Variants in B3GALT1 observed in about 807,000 individuals in gnomAD.
B3GALT1 encodes the protein beta-1,3-galactosyltransferase 1.
A neutral mutation model predicts 23.2 loss-of-function variants in B3GALT1; 10 were observed. The ratio of observed to expected loss-of-function variants is 0.43; its 90% CI spans 0.27 to 0.73. B3GALT1 has a LOEUF of 0.73. B3GALT1 is among the 30% of genes least tolerant of loss of function. The probability of loss-of-function intolerance (pLI) is 0.21; values close to 1 mark genes in which losing one functional copy is unlikely to be tolerated. For synonymous variants in B3GALT1, 156 were observed against 141.5 expected (o/e 1.10, Z -0.73); for missense variants, 299 against 405.4 (o/e 0.74, Z 2.25).
intron 4 of B3GALT1, among the ~76,000 whole-genome samples, chr2:167,862,378 A>G (rs1427215125): frequency 6.6e-6 from 1 of 152,236 alleles, no homozygotes; most frequent in Non-Finnish European, 1.5e-5. Flanking sequence ...GAGGAGATGC[A>G]TGTCACAGCT....
intron 3 of B3GALT1, among the ~76,000 whole-genome samples, chr2:167,761,008 A>T (rs1289753304): frequency 6.6e-6 from 1 of 152,150 alleles, no homozygotes; most frequent in Non-Finnish European, 1.5e-5. Flanking sequence ...TCAATATTAC[A>T]TGTGCCTGTT....
chr2:167,344,742 A>G (rs1697203396), intron 1 of B3GALT1, among the ~76,000 whole-genome samples: 2 of 152,216 alleles, frequency 1.3e-5, no homozygotes, highest in South Asian at 4.1e-4. Context: ...AATAAACACA[A>G]AAGTTTACAT....
At chr2:167,520,831 G>C (rs190204766) in intron 2 of B3GALT1, among the ~76,000 whole-genome samples, 1 of 152,116 alleles carries the variant, frequency 6.6e-6, no homozygotes, top group Non-Finnish European at 1.5e-5. Flanking sequence ...GGGAGCAATG[G>C]GTTGGCACCC....
chr2:167,293,680 G>A (rs1278980156), intron 1 of B3GALT1, among the ~76,000 whole-genome samples: 1 of 152,164 alleles, frequency 6.6e-6, no homozygotes, highest in Non-Finnish European at 1.5e-5. Context: ...GAGTGAGTAG[G>A]ATGCTGTTGG....
chr2:167,752,288 TTATATG>T (rs1157278536), intron 3 of B3GALT1, among the ~76,000 whole-genome samples: 1 of 152,196 alleles, frequency 6.6e-6, no homozygotes, highest in Non-Finnish European at 1.5e-5. Context: ...ACTTTTAACC[TTATATG>T]TATATTTAAA....
At chr2:167,704,050 A>G (rs564676364) in intron 3 of B3GALT1, among the ~76,000 whole-genome samples, 7 of 152,070 alleles carry the variant, frequency 4.6e-5, no homozygotes, top group East Asian at 3.9e-4. Flanking sequence ...GTGTGGTATC[A>G]GGCGCCTGTA....
intron 2 of B3GALT1, among the ~76,000 whole-genome samples, chr2:167,564,071 C>G (rs527869663): frequency 1.3e-5 from 2 of 148,826 alleles, no homozygotes; most frequent in Non-Finnish European, 3.0e-5. Context: ...CCAGACGGGG[C>G]GGCTGCCGGG....
At chr2:167,390,772 G>A (rs73021748) in intron 1 of B3GALT1, among the ~76,000 whole-genome samples, 3,082 of 148,986 alleles carry the variant, frequency 0.021, 109 homozygotes, top group African/African-American at 0.072. Flanking sequence ...TCTGAAGCAG[G>A]TAAAGCATTT....
At chr2:167,640,337 C>T (rs1685628402) in intron 2 of B3GALT1, among the ~76,000 whole-genome samples, 1 of 151,930 alleles carries the variant, frequency 6.6e-6, no homozygotes, top group South Asian at 2.1e-4. Flanking sequence ...ATGGAGTTTT[C>T]CTTAGAGCAC....
chr2:167,774,471 GGTTT>G (rs1558974682), intron 3 of B3GALT1, among the ~76,000 whole-genome samples: 2 of 132,916 alleles, frequency 1.5e-5, no homozygotes, highest in African/African-American at 2.7e-5. Context: ...TGTGTTTATT[GGTTT>G]TTTTTTTTTG....
intron 2 of B3GALT1, among the ~76,000 whole-genome samples, chr2:167,545,024 T>TTTTC (rs1683607033): frequency 9.2e-5 from 3 of 32,708 alleles, no homozygotes; most frequent in African/African-American, 6.2e-4. Context: ...CTTGGGTGTC[T>TTTTC]TTTTTTTTTT....
intron 1 of B3GALT1, among the ~76,000 whole-genome samples, chr2:167,376,128 T>C (rs2617388): frequency 0.81 from 122,970 of 152,148 alleles, 51,483 homozygotes; most frequent in East Asian, 0.92. Flanking sequence ...ATTACATTTA[T>C]TGATTTATAT....
intron 3 of B3GALT1, among the ~76,000 whole-genome samples, chr2:167,708,781 T>C (rs912970645): frequency 1.8e-4 from 28 of 152,312 alleles, no homozygotes; most frequent in African/African-American, 6.7e-4. Flanking sequence ...ACCAAGCTTA[T>C]TGATGTGCCC....
At chr2:167,577,561 C>T (rs1418959305) in intron 2 of B3GALT1, among the ~76,000 whole-genome samples, 1 of 151,810 alleles carries the variant, frequency 6.6e-6, no homozygotes, top group Non-Finnish European at 1.5e-5. Flanking sequence ...CCAGATGCAT[C>T]AGTTGATCAC....
intron 1 of B3GALT1, among the ~76,000 whole-genome samples, chr2:167,478,062 C>T (rs1699510849): frequency 6.6e-6 from 1 of 152,102 alleles, no homozygotes; most frequent in South Asian, 2.1e-4. Context: ...ATCTGCTTTG[C>T]AATGAAATAA....
In B3GALT1 at chr2:167,474,152, A is replaced by T. The variant is rs1005481939; in HGVS notation, c.-510-16025A>T. Among the ~76,000 whole-genome samples the T allele has an allele frequency of 2.8e-4, 43 of 152,192 alleles. 1 individual carries two copies. The highest frequency in any genetic ancestry group is 1.0e-3 in the African/African-American group (42 of 41,460). On this transcript the variant is annotated intron_variant, in intron 1 of 4. Coordinates refer to ENST00000392690, the MANE Select transcript of B3GALT1 (RefSeq NM_020981.4). ...TGCAGCTGTGTCTATAGGATACGCC[A>T]TCTTAATATGGATAATTTCTAATCA...
At chr2:167,306,519 T>A (rs780047100) in intron 1 of B3GALT1, among the ~76,000 whole-genome samples, 12 of 152,030 alleles carry the variant, frequency 7.9e-5, no homozygotes, top group Non-Finnish European at 1.8e-4. Context: ...CCTTTTGACT[T>A]TAATATTTTG....
chr2:167,594,200 A>T (rs187869597), intron 2 of B3GALT1, among the ~76,000 whole-genome samples: 97 of 152,276 alleles, frequency 6.4e-4, no homozygotes, highest in Non-Finnish European at 1.0e-3. Context: ...CGTAGTGTAG[A>T]TGTCAAAGTC....
At chr2:167,393,112 T>C (rs1333214653) in intron 1 of B3GALT1, among the ~76,000 whole-genome samples, 1 of 152,020 alleles carries the variant, frequency 6.6e-6, no homozygotes, top group African/African-American at 2.4e-5. Flanking sequence ...TGGGTGCCTG[T>C]AGTCCCAGCT....
Sources: gnomAD v4.1 joint callset for allele counts (sites outside exome capture counted in the v4.1 genomes callset) on GRCh38, gnomAD v4.1.1 for gene constraint, MANE v1.5 for transcripts, NCBI Gene and HGNC (gene_info 2026-07-23, HGNC 2026-07-21) for gene names.